The following ZDHHC2 variants were observed in gnomAD, a reference collection of about 807,000 sequenced individuals.
ZDHHC2 encodes the protein zDHHC palmitoyltransferase 2.
A neutral mutation model predicts 55.6 loss-of-function variants in ZDHHC2; 51 were observed. The ratio of observed to expected loss-of-function variants is 0.92; its 90% CI spans 0.73 to 1.16. ZDHHC2 has a LOEUF of 1.16. Among genes scored for constraint, ZDHHC2 ranks in the 50% most tolerant of loss-of-function variants. The pLI is 0.00. For missense variants in ZDHHC2, 491 were observed against 442.4 expected, an observed-to-expected ratio of 1.11 and a Z score of -0.99; for synonymous variants, 199 against 152.9, an observed-to-expected ratio of 1.30 and a Z score of -2.22.
At chr8:17,163,774 C>T (rs1282205005) in intron 1 of ZDHHC2, among the ~76,000 whole-genome samples, 1 of 152,054 alleles carries the variant, frequency 6.6e-6, no homozygotes. Context: ...TTAATGCTGT[C>T]TGTTGGGAAA....
intron 1 of ZDHHC2, among the ~76,000 whole-genome samples, chr8:17,160,730 G>T (rs1228640024): frequency 6.6e-6 from 1 of 152,208 alleles, no homozygotes; most frequent in Non-Finnish European, 1.5e-5. Flanking sequence ...GATTTAAAGG[G>T]CTTTGTAGTT....
In ZDHHC2 at chr8:17,221,419, T is replaced by A. The variant is rs1034518032; in HGVS notation, c.*1198T>A. 6.6e-6 allele frequency: 1 copy of A among 152,516 alleles called. No homozygotes were observed. The highest frequency in any genetic ancestry group is 1.5e-5 in the Non-Finnish European group (1 of 67,956). 9.4% of individuals were successfully genotyped at this position (152,516 alleles called of 1,614,324 possible). A position where few individuals can be genotyped will look rare whatever the true frequency, so the allele number is the denominator to read the frequency against. On this transcript the variant is annotated 3_prime_UTR_variant, in exon 13 of 13. Transcript: ENST00000262096. ...AAGTTTTTTTTATTTGAGTCCAGTA[T>A]AATTCATGTAAATGTTAACAATTAG... is the stretch of plus-strand genomic sequence containing the variant.
chr8:17,179,762 G>C (rs1168947665), intron 1 of ZDHHC2, among the ~76,000 whole-genome samples: 2 of 152,202 alleles, frequency 1.3e-5, no homozygotes, highest in Non-Finnish European at 2.9e-5. Flanking sequence ...AACATTCTTG[G>C]TAACTATAGT....
chr8:17,160,749 T>C (rs749200702), intron 1 of ZDHHC2, among the ~76,000 whole-genome samples: 7 of 152,250 alleles, frequency 4.6e-5, no homozygotes, highest in Non-Finnish European at 1.0e-4. Context: ...TTTGGGGCTA[T>C]ATAGTACATA....
chr8:17,197,796 G>A (rs1000704402), intron 5 of ZDHHC2, 145 bp downstream of exon 5: 7 of 856,850 alleles, frequency 8.2e-6, no homozygotes, highest in East Asian at 5.3e-5. Flanking sequence ...GGTATAACCC[G>A]CTGGCATTCA....
At chr8:17,201,589 T>C (rs1806773996) in intron 6 of ZDHHC2, among the ~76,000 whole-genome samples, 1 of 146,888 alleles carries the variant, frequency 6.8e-6, no homozygotes. Flanking sequence ...GCCTCCTGGG[T>C]TCATGCCATT....
rs1357299558 is a variant in ZDHHC2 at position 17,222,569 on chromosome 8, G to T, written c.*2348G>T. 2 of 151,742 alleles carry T rather than the reference G, an allele frequency of 1.3e-5. No individual in the cohort carries two copies. The highest frequency in any genetic ancestry group is 3.0e-5 in the Non-Finnish European group (2 of 67,756). The allele number at this position is 151,742 out of a possible 1,614,324, so 9.4% of individuals were successfully genotyped here. On this transcript the variant is annotated 3_prime_UTR_variant, in exon 13 of 13. Coordinates refer to ENST00000262096, the MANE Select transcript of ZDHHC2 (RefSeq NM_016353.5). Reference sequence around the variant, plus strand: ...TAAGAAATTTTGCATTAAAAATAGTGTACCAATGCTTCATATACGTTAGTT... The same window carrying T: ...TAAGAAATTTTGCATTAAAAATAGTTTACCAATGCTTCATATACGTTAGTT...
In ZDHHC2 at chr8:17,222,943, C is replaced by T. The variant is rs1807982906; in HGVS notation, c.*2722C>T. 6.6e-6 allele frequency: 1 copy of T among 151,698 alleles called. No homozygotes were observed. The highest frequency in any genetic ancestry group is 1.9e-4 in the East Asian group (1 of 5,190). 9.4% of individuals were successfully genotyped at this position (151,698 alleles called of 1,614,324 possible). A position where few individuals can be genotyped will look rare whatever the true frequency, so the allele number is the denominator to read the frequency against. ...GATTCTGAGGACAATTAGAAACAGA[C>T]TATAAAACTCAACTACACTGTAATC... On this transcript the variant is annotated 3_prime_UTR_variant, in exon 13 of 13. Coordinates refer to ENST00000262096, the MANE Select transcript of ZDHHC2 (RefSeq NM_016353.5).
intron 1 of ZDHHC2, among the ~76,000 whole-genome samples, chr8:17,180,890 G>A (rs1805398729): frequency 6.6e-6 from 1 of 152,168 alleles, no homozygotes; most frequent in Admixed American, 6.6e-5. Context: ...GGGGGTGGAG[G>A]GAACCCTGTG....
chr8:17,184,872 A>G (rs1805632351), intron 2 of ZDHHC2, 57 bp downstream of exon 2: 3 of 1,410,076 alleles, frequency 2.1e-6, no homozygotes, highest in Non-Finnish European at 2.9e-6. Context: ...AAAAAATTGT[A>G]TTCACTTAGA....
chr8:17,222,225 T>C lies in ZDHHC2; in HGVS notation c.*2004T>C, dbSNP rs1220707513. On this transcript the variant is annotated 3_prime_UTR_variant, in exon 13 of 13. Coordinates refer to ENST00000262096, the MANE Select transcript of ZDHHC2 (RefSeq NM_016353.5). ...CAATTTCATTGTTGTAATTGTTCCCTTTCTGTTTTCATATAGTGAATAACC... is the reference window on the plus strand; with the variant it reads ...CAATTTCATTGTTGTAATTGTTCCCCTTCTGTTTTCATATAGTGAATAACC... The C allele has an allele frequency of 6.6e-6, 1 of 151,788 alleles. No homozygotes were observed. 9.4% of individuals were successfully genotyped at this position (151,788 alleles called of 1,614,324 possible). A position where few individuals can be genotyped will look rare whatever the true frequency, so the allele number is the denominator to read the frequency against.
chr8:17,171,856 T>G (rs1362388960), intron 1 of ZDHHC2, among the ~76,000 whole-genome samples: 1 of 151,372 alleles, frequency 6.6e-6, no homozygotes, highest in Non-Finnish European at 1.5e-5. Flanking sequence ...ACTCTCCCTT[T>G]CCTTTAATCA....
intron 3 of ZDHHC2, among the ~76,000 whole-genome samples, chr8:17,192,757 G>A (rs905492349): frequency 3.9e-5 from 6 of 152,142 alleles, no homozygotes; most frequent in Non-Finnish European, 7.4e-5. Context: ...ATAATTTGAG[G>A]TCTTAGATTT....
chr8:17,223,130 G>T lies in ZDHHC2; in HGVS notation c.*2909G>T, dbSNP rs941758441. 1 of 151,848 alleles carries T rather than the reference G, an allele frequency of 6.6e-6. No individual in the cohort carries two copies. Among genetic ancestry groups the T allele is most frequent in the African/African-American group, 2.4e-5 (1 of 41,422 alleles). 9.4% of individuals were successfully genotyped at this position (151,848 alleles called of 1,614,324 possible). On this transcript the variant is annotated 3_prime_UTR_variant, in exon 13 of 13. Transcript: ENST00000262096. Reference sequence around the variant, plus strand: ...TACTCCATTATGTTATAAACTAGCAGATTTTCCCTATTTTGAAATGCATGT... The same window carrying T: ...TACTCCATTATGTTATAAACTAGCATATTTTCCCTATTTTGAAATGCATGT...
At chr8:17,187,420 A>T (rs780115585) in intron 3 of ZDHHC2, among the ~76,000 whole-genome samples, 5 of 152,196 alleles carry the variant, frequency 3.3e-5, no homozygotes, top group Non-Finnish European at 7.4e-5. Context: ...TTTAAAAAAA[A>T]AAAGCATCAC....
rs1806537054 is a variant in ZDHHC2, at chr8:17,199,505, C to CTTG, written c.476+1094_476+1095insGTT. On this transcript the variant is annotated intron_variant, in intron 6 of 12. Coordinates refer to ENST00000262096, the MANE Select transcript of ZDHHC2 (RefSeq NM_016353.5). The stretch of plus-strand genomic sequence containing the variant: ...TCTTCTTCTTCTTCTTCTTCTTCTT[C>CTTG]TTCTTCTTCGTCTTCGTCTTCGTCT... Among the ~76,000 whole-genome samples the CTTG allele has an allele frequency of 1.9e-4, 7 of 36,882 alleles. No homozygotes were observed. In the South Asian group the frequency reaches 5.0e-3, roughly 26 times the overall value. The allele number at this position is 36,882 out of a possible 152,430, so 24.2% of individuals were successfully genotyped here.
At chr8:17,204,232 A>C (rs762295441) in intron 6 of ZDHHC2, among the ~76,000 whole-genome samples, 2 of 152,192 alleles carry the variant, frequency 1.3e-5, no homozygotes, top group Non-Finnish European at 1.5e-5. Context: ...TTTTTTTCAC[A>C]TGAACATGGT....
intron 1 of ZDHHC2, among the ~76,000 whole-genome samples, chr8:17,181,919 A>G (rs1266586539): frequency 6.6e-6 from 1 of 152,154 alleles, no homozygotes; most frequent in African/African-American, 2.4e-5. Context: ...AAATATTTGC[A>G]TTTGACAATA....
At chr8:17,156,907 G>T in intron 1 of ZDHHC2, 54 bp downstream of exon 1, 1 of 1,431,242 alleles carries the variant, frequency 7.0e-7, no homozygotes, top group South Asian at 1.4e-5. Flanking sequence ...CACCCCGACT[G>T]TCCCGGGACG....
Sources: gnomAD v4.1 joint callset for allele counts (sites outside exome capture counted in the v4.1 genomes callset) on GRCh38, gnomAD v4.1.1 for gene constraint, MANE v1.5 for transcripts, NCBI Gene and HGNC (gene_info 2026-07-23, HGNC 2026-07-21) for gene names.